Variants in ADARB1 observed in about 807,000 individuals in gnomAD.
ADARB1 encodes the protein adenosine deaminase RNA specific B1, also known as double-stranded RNA-specific editase 1.
In ADARB1, 10 loss-of-function variants were observed where a neutral mutation model predicts 52.4. The ratio of observed to expected loss-of-function variants is 0.19; its 90% confidence interval spans 0.12 to 0.32. ADARB1 has a LOEUF of 0.32. Among genes scored for constraint, ADARB1 ranks in the 10% least tolerant of loss-of-function variants. ADARB1 has a pLI of 1.00. For synonymous variants in ADARB1, 349 were observed against 371.1 expected (o/e 0.94, Z 0.68); for missense variants, 643 against 922.3 (o/e 0.70, Z 3.92).
chr21:45,165,296 G>T (rs2091204517), intron 2 of ADARB1, among the ~76,000 whole-genome samples: 1 of 152,188 alleles, frequency 6.6e-6, no homozygotes, highest in South Asian at 2.1e-4. Flanking sequence ...ATTTGTCCTT[G>T]CTAGAATTTC....
chr21:45,079,274 A>G (rs35440051), intron 1 of ADARB1, among the ~76,000 whole-genome samples: 10,854 of 152,348 alleles, frequency 0.071, 440 homozygotes, highest in Middle Eastern at 0.11. Flanking sequence ...GTTACCCAGC[A>G]TTCATTTATA....
intron 2 of ADARB1, among the ~76,000 whole-genome samples, chr21:45,136,283 C>T (rs1256362406): frequency 6.6e-6 from 1 of 152,184 alleles, no homozygotes; most frequent in Non-Finnish European, 1.5e-5. Context: ...AGGCTTCCAG[C>T]AAGCTCTACA....
chr21:45,226,378 C>G lies in ADARB1; in HGVS notation c.*4181C>G, dbSNP rs2093059182. On this transcript the variant is annotated 3_prime_UTR_variant, in exon 11 of 11. Coordinates refer to ENST00000348831, the MANE Select transcript of ADARB1 (RefSeq NM_001112.4). ...GACACTTTCTATGAATGTAATTCGG[C>G]TGAGAAACATGTTGCTGAGATGCAA... The G allele has an allele frequency of 6.6e-6, 1 of 152,622 alleles. No individual in the cohort carries two copies. Among genetic ancestry groups the G allele is most frequent in the South Asian group, 2.1e-4 (1 of 4,836 alleles). The allele number at this position is 152,622 out of a possible 1,614,324, so 9.5% of individuals were successfully genotyped here.
chr21:45,150,858 C>T (rs1479075775), intron 2 of ADARB1, among the ~76,000 whole-genome samples: 1 of 152,256 alleles, frequency 6.6e-6, no homozygotes, highest in African/African-American at 2.4e-5. Context: ...CTGACCGTCA[C>T]TCGTGCCAGG....
chr21:45,171,740 G>A lies in ADARB1; in HGVS notation c.28+56G>A. 5 of 1,531,820 alleles carry A rather than the reference G, an allele frequency of 3.3e-6. No homozygotes were observed. In the African/African-American group the frequency reaches 4.2e-5, roughly 13 times the overall value. The allele number at this position is 1,531,820 out of a possible 1,614,324, so 94.9% of individuals were successfully genotyped here. A position where few individuals can be genotyped will look rare whatever the true frequency, so the allele number is the denominator to read the frequency against. On this transcript the variant is annotated intron_variant, in intron 3 of 10. Coordinates refer to ENST00000348831, the MANE Select transcript of ADARB1 (RefSeq NM_001112.4). ...ATAGCTAATTTTATGTTAACATTTT[G>A]GTGTTTTTGCAAATGTATTTCATGA...
Position 45,162,326 on chromosome 21 carries a change from C to T in ADARB1, c.-47-9284C>T, listed in dbSNP as rs1014270614. Among the ~76,000 whole-genome samples the T allele has an allele frequency of 2.0e-5, 3 of 152,170 alleles. No homozygotes were observed. The South Asian group carries it at 6.2e-4, about 32-fold the overall frequency. The stretch of plus-strand genomic sequence containing the variant: ...AGGGAGCCAGTGTCCATGCCAGTGC[C>T]TAGGTCTGCCCGTCTCGCCTGCCTG... On this transcript the variant is annotated intron_variant, in intron 2 of 10. Coordinates refer to ENST00000348831, the MANE Select transcript of ADARB1 (RefSeq NM_001112.4).
chr21:45,096,130 T>G (rs2086749167), intron 1 of ADARB1, among the ~76,000 whole-genome samples: 2 of 152,244 alleles, frequency 1.3e-5, no homozygotes, highest in South Asian at 4.1e-4. Flanking sequence ...GTAACGAGCA[T>G]GGCTGGGGGC....
intron 2 of ADARB1, among the ~76,000 whole-genome samples, chr21:45,169,646 G>C (rs889904599): frequency 1.3e-5 from 2 of 152,208 alleles, no homozygotes; most frequent in Admixed American, 1.3e-4. Context: ...AAAAGGAGAA[G>C]AACTCTGTCT....
chr21:45,112,796 A>G (rs2087602952), intron 1 of ADARB1, among the ~76,000 whole-genome samples: 1 of 152,182 alleles, frequency 6.6e-6, no homozygotes, highest in African/African-American at 2.4e-5. Context: ...CCCCAAGATG[A>G]CATGTGATAA....
intron 1 of ADARB1, among the ~76,000 whole-genome samples, chr21:45,123,075 T>C (rs936298825): frequency 6.6e-6 from 1 of 152,176 alleles, no homozygotes; most frequent in Non-Finnish European, 1.5e-5. Context: ...TTCTGTTGCC[T>C]GATTATTTGT....
intron 9 of ADARB1, among the ~76,000 whole-genome samples, chr21:45,218,762 C>A (rs565029204): frequency 1.3e-5 from 2 of 152,184 alleles, no homozygotes; most frequent in African/African-American, 4.8e-5. Context: ...GTGGGGGTGG[C>A]CTCCACAGGG....
intron 1 of ADARB1, among the ~76,000 whole-genome samples, chr21:45,125,677 A>G (rs557858073): frequency 6.6e-6 from 1 of 152,330 alleles, no homozygotes; most frequent in East Asian, 1.9e-4. Flanking sequence ...CTGCCCTCCA[A>G]TTCAATTCCA....
At chr21:45,210,221 T>C (rs2092741402) in intron 9 of ADARB1, among the ~76,000 whole-genome samples, 1 of 152,236 alleles carries the variant, frequency 6.6e-6, no homozygotes, top group African/African-American at 2.4e-5. Flanking sequence ...AACAACTTTC[T>C]AGTGATTGGA....
At chr21:45,079,233 A>T (rs980373909) in intron 1 of ADARB1, among the ~76,000 whole-genome samples, 16 of 152,272 alleles carry the variant, frequency 1.1e-4, no homozygotes, top group African/African-American at 3.9e-4. Context: ...GGGAAAATGT[A>T]GCCAACTAGA....
At position 45,157,709 on chromosome 21, in the gene ADARB1, G is replaced by A. The variant is rs907766939; in HGVS notation, c.-47-13901G>A. Among the ~76,000 whole-genome samples the A allele has an allele frequency of 2.6e-5, 4 of 152,150 alleles. No individual in the cohort carries two copies. Among genetic ancestry groups the A allele is most frequent in the African/African-American group, 9.7e-5 (4 of 41,424 alleles). ...CATATGTGCATAGGGTGGGGGTAAC[G>A]AGGGAGAGGGACAAGAAGGGCCAGG... On this transcript the variant is annotated intron_variant, in intron 2 of 10. Coordinates refer to ENST00000348831, the MANE Select transcript of ADARB1 (RefSeq NM_001112.4). This position sits in a 1 kb window ranked among gnomAD's most constrained non-coding sequence, Gnocchi z 4.1.
chr21:45,176,229 C>G lies in ADARB1; in HGVS notation c.528C>G (p.Leu176=). 6.2e-7 allele frequency: 1 copy of G among 1,614,240 alleles called. No homozygotes were observed. Among genetic ancestry groups the G allele is most frequent in the Non-Finnish European group, 8.5e-7 (1 of 1,180,036 alleles). The change falls in exon 4 of 11, where the codon CTC becomes CTG. Residue 176 remains leucine, a synonymous_variant. Transcript: ENST00000348831. The surrounding 1 kb of genome is among the most constrained non-coding windows in gnomAD (Gnocchi z 5.8). ...TSDQADFPDT[L]FNGFETPDKA... ...ACCAGGCCGACTTCCCTGACACGCT[C>G]TTCAATGGTTTTGAAACTCCTGACA... is the stretch of plus-strand genomic sequence containing the variant.
intron 2 of ADARB1, among the ~76,000 whole-genome samples, chr21:45,134,321 C>CCGACGG (rs2089213936): frequency 1.2e-4 from 2 of 17,296 alleles, no homozygotes; most frequent in African/African-American, 2.1e-4. Context: ...GTGCGCCCGC[C>CCGACGG]GGGTGTGTGC....
At chr21:45,150,950 G>A (rs1276287910) in intron 2 of ADARB1, among the ~76,000 whole-genome samples, 1 of 152,244 alleles carries the variant, frequency 6.6e-6, no homozygotes, top group African/African-American at 2.4e-5. Context: ...TACAGGTCCT[G>A]AGCAGGGAGG....
chr21:45,177,399 C>T (rs1359160192), intron 4 of ADARB1: 2 of 152,238 alleles, frequency 1.3e-5, no homozygotes, highest in Non-Finnish European at 2.9e-5. Context: ...CATTTGACCT[C>T]CCCAGCGCAG....
Sources: gnomAD v4.1 joint callset for allele counts (sites outside exome capture counted in the v4.1 genomes callset) on GRCh38, gnomAD v4.1.1 for gene constraint, Gnocchi (gnomAD v3.1) non-coding constraint, MANE v1.5 for transcripts, NCBI Gene and HGNC (gene_info 2026-07-23, HGNC 2026-07-21) for gene names.